The following PPP2CB variants were observed in gnomAD, a reference collection of about 807,000 sequenced individuals.
PPP2CB encodes the protein protein phosphatase 2 catalytic subunit beta.
A neutral mutation model predicts 39.1 loss-of-function variants in PPP2CB; 18 were observed. The observed-to-expected ratio is 0.46, with a 90% CI of 0.32 to 0.68. The LOEUF (loss-of-function observed/expected upper bound fraction) is 0.68, where lower values mean the gene tolerates loss of function less well. Among genes scored for constraint, PPP2CB ranks in the 30% least tolerant of loss-of-function variants. The pLI is 0.04. For missense variants in PPP2CB, 226 were observed against 396.9 expected (o/e 0.57, Z 3.66); for synonymous variants, 129 against 133.8 (o/e 0.96, Z 0.25).
chr8:30,793,361 A>ATCT (rs1172626785), intron 5 of PPP2CB: 3 of 152,374 alleles, frequency 2.0e-5, no homozygotes, highest in Admixed American at 6.5e-5. Flanking sequence ...CTATGCACAT[A>ATCT]CAGTATGCAC....
rs1231953817 is a variant in PPP2CB, at chr8:30,812,389, G to A, written c.33C>T (p.Asp11=). The A allele has an allele frequency of 1.3e-6, 2 of 1,548,686 alleles. No homozygotes were observed. The highest frequency in any genetic ancestry group is 2.8e-5 in the African/African-American group (2 of 71,158). MDDKAFTKEL[D]QWVEQLNECK... ...ACTCGTTCAGCTGCTCGACCCACTG[G>A]TCCAGCTCCTTGGTGAACGCCTTGT... The change falls in exon 1 of 7, where the codon GAC becomes GAT. Residue 11 remains aspartate (D), a synonymous_variant. Coordinates refer to ENST00000221138, the MANE Select transcript of PPP2CB (RefSeq NM_001009552.2).
intron 2 of PPP2CB, among the ~76,000 whole-genome samples, chr8:30,798,905 G>T (rs1030696469): frequency 7.2e-5 from 11 of 152,162 alleles, no homozygotes; most frequent in African/African-American, 2.4e-4. Context: ...GGATAACCTC[G>T]TGGGGGAAAT....
chr8:30,810,840 C>G (rs1185207835), intron 1 of PPP2CB, among the ~76,000 whole-genome samples: 1 of 152,228 alleles, frequency 6.6e-6, no homozygotes, highest in African/African-American at 2.4e-5. Flanking sequence ...TTAACACCAT[C>G]TATTAGTGCT....
chr8:30,794,466 T>A (rs1413851369), intron 3 of PPP2CB, 185 bp from the exon 4 acceptor site: 1 of 519,172 alleles, frequency 1.9e-6, no homozygotes, highest in Non-Finnish European at 3.3e-6. Flanking sequence ...GACCCACCAT[T>A]AAATTTCTTT....
chr8:30,811,381 C>T (rs1330836462), intron 1 of PPP2CB, among the ~76,000 whole-genome samples: 1 of 152,156 alleles, frequency 6.6e-6, no homozygotes, highest in Non-Finnish European at 1.5e-5. Flanking sequence ...CTTCCAAGAG[C>T]CACTCAACAC....
rs187524927 is a variant in PPP2CB, at chr8:30,797,167, A to G, written c.486+414T>C. ...ACTTCTCAGGGAAGGTGTAATACACAATATAACATTTGCAGTTACCATGAA... is the reference window on the plus strand; with the variant it reads ...ACTTCTCAGGGAAGGTGTAATACACGATATAACATTTGCAGTTACCATGAA... On this transcript the variant is annotated intron_variant, in intron 3 of 6. Transcript: ENST00000221138. Among the ~76,000 whole-genome samples, 429 of 152,328 alleles carry G rather than the reference A, an allele frequency of 2.8e-3. 3 individuals are homozygous for G. Among genetic ancestry groups the G allele is most frequent in the South Asian group, 5.0e-3 (24 of 4,830 alleles).
At chr8:30,796,097 A>G (rs767604715) in intron 3 of PPP2CB, among the ~76,000 whole-genome samples, 12 of 152,232 alleles carry the variant, frequency 7.9e-5, no homozygotes, top group Non-Finnish European at 1.8e-4. Flanking sequence ...ATTATTAATG[A>G]AGACTATGTT....
chr8:30,791,097 C>T (rs762904067), intron 6 of PPP2CB, 100 bp downstream of exon 6: 78 of 729,870 alleles, frequency 1.1e-4, no homozygotes, highest in Non-Finnish European at 1.4e-4. Flanking sequence ...AGGGGCTTTG[C>T]TATACTCCTC....
At chr8:30,796,040 TA>T (rs1364099791) in intron 3 of PPP2CB, among the ~76,000 whole-genome samples, 2 of 152,234 alleles carry the variant, frequency 1.3e-5, no homozygotes, top group East Asian at 3.8e-4. Flanking sequence ...GATACTTCAT[TA>T]AAACTGATAG....
intron 2 of PPP2CB, among the ~76,000 whole-genome samples, chr8:30,797,974 G>A (rs1053179464): frequency 1.3e-5 from 2 of 152,096 alleles, no homozygotes; most frequent in African/African-American, 2.4e-5. Flanking sequence ...ATCAGGTTTC[G>A]ACAACCCTCA....
intron 1 of PPP2CB, among the ~76,000 whole-genome samples, chr8:30,803,366 G>A (rs1458085965): frequency 6.6e-6 from 1 of 151,914 alleles, no homozygotes; most frequent in Non-Finnish European, 1.5e-5. Flanking sequence ...AACATGAGGA[G>A]ACCCTGTCTC....
At position 30,786,081 on chromosome 8, in the gene PPP2CB, T is replaced by C; in HGVS notation, c.*154A>G. On this transcript the variant is annotated 3_prime_UTR_variant, in exon 7 of 7. Transcript: ENST00000221138. Reference sequence around the variant, plus strand: ...TTGTGCTAAATGCTCATCATTAGTATGGCACATTTGGTCCATGATGTGGTT... The same window carrying C: ...TTGTGCTAAATGCTCATCATTAGTACGGCACATTTGGTCCATGATGTGGTT... The C allele has an allele frequency of 1.4e-6, 1 of 716,496 alleles. No homozygotes were observed. Among genetic ancestry groups the C allele is most frequent in the Non-Finnish European group, 2.5e-6 (1 of 401,284 alleles). 44.4% of individuals were successfully genotyped at this position (716,496 alleles called of 1,614,324 possible). A position where few individuals can be genotyped will look rare whatever the true frequency, so the allele number is the denominator to read the frequency against.
intron 1 of PPP2CB, among the ~76,000 whole-genome samples, chr8:30,804,271 C>T (rs1454605633): frequency 6.6e-6 from 1 of 152,146 alleles, no homozygotes; most frequent in African/African-American, 2.4e-5. Context: ...GGTTCTCGTC[C>T]CTCAGAATTT....
intron 1 of PPP2CB, among the ~76,000 whole-genome samples, chr8:30,801,024 T>G (rs564598499): frequency 2.1e-5 from 3 of 143,594 alleles, no homozygotes; most frequent in Non-Finnish European, 4.5e-5. Flanking sequence ...CTGGGCAACA[T>G]AGTGAGACCT....
At position 30,812,418 on chromosome 8, in the gene PPP2CB, C is replaced by G. The variant is rs745901306; in HGVS notation, c.4G>C (p.Asp2His). 1 of 1,529,084 alleles carries G rather than the reference C, an allele frequency of 6.5e-7. No individual in the cohort carries two copies. The highest frequency in any genetic ancestry group is 2.6e-5 in the East Asian group (1 of 38,880). 94.7% of individuals were successfully genotyped at this position (1,529,084 alleles called of 1,614,324 possible). The change falls in exon 1 of 7, where the codon GAC (aspartate) becomes CAC (histidine). Residue 2 changes from aspartate (D) to histidine (H), a missense_variant. Asp to His is a moderately conservative substitution (Grantham distance 81). Around this residue, in one of 4 missense-constraint regions of PPP2CB, gnomAD observed 59 missense variants for 42.6 expected, o/e 1.38. Coordinates refer to ENST00000221138, the MANE Select transcript of PPP2CB (RefSeq NM_001009552.2). MDDKAFTKELDQ... is the reference protein window; with the variant it reads MHDKAFTKELDQ... ...AGCTCCTTGGTGAACGCCTTGTCGT[C>G]CATGGCGGCCCGATCCCGATGCGGA...
intron 1 of PPP2CB, chr8:30,810,060 T>A (rs142141816): frequency 6.6e-6 from 1 of 152,006 alleles, no homozygotes; most frequent in East Asian, 1.9e-4. Flanking sequence ...TTTTGACAAA[T>A]ACAGAAAGCT....
In PPP2CB at chr8:30,797,698, A is replaced by G. The variant is rs1461092558; in HGVS notation, c.369T>C (p.Ile123=). 3.1e-6 allele frequency: 5 copies of G among 1,613,954 alleles called. No individual in the cohort carries two copies. Among genetic ancestry groups the G allele is most frequent in the East Asian group, 2.2e-5 (1 of 44,882 alleles). ...CATCATAAAAGCCATATACTTGGGT[A>G]ATTTGTCGGCTTTCGTGATTTCCTC... is the stretch of plus-strand genomic sequence containing the variant. ...ILRGNHESRQ[I]TQVYGFYDEC... Residue 123 remains isoleucine, a synonymous_variant, in exon 3 of 7, where the codon ATT becomes ATC. Coordinates refer to ENST00000221138, the MANE Select transcript of PPP2CB (RefSeq NM_001009552.2).
chr8:30,790,895 C>A, intron 6 of PPP2CB: 1 of 240,026 alleles, frequency 4.2e-6, no homozygotes, highest in Non-Finnish European at 8.0e-6. Context: ...TGAGAGGGAT[C>A]TGGGAGGAGT....
intron 1 of PPP2CB, 60 bp downstream of exon 1, chr8:30,812,260 A>C: frequency 2.3e-6 from 3 of 1,285,100 alleles, no homozygotes; most frequent in South Asian, 1.6e-5. Flanking sequence ...CGGGGCGGGC[A>C]GGAAAGCGGC....
Sources: gnomAD v4.1 joint callset for allele counts (sites outside exome capture counted in the v4.1 genomes callset) on GRCh38, gnomAD v4.1.1 for gene constraint, gnomAD v4.1.1 regional missense constraint, MANE v1.5 for transcripts, NCBI Gene and HGNC (gene_info 2026-07-23, HGNC 2026-07-21) for gene names.